The following TRPM1 variants were observed in gnomAD, a reference collection of about 807,000 sequenced individuals.
TRPM1 encodes the protein TRPM1-203 APA Isoform, Intron 10.
A neutral mutation model predicts 149.4 loss-of-function variants in TRPM1; 113 were observed. The observed-to-expected ratio is 0.76, with a 90% CI of 0.65 to 0.88. TRPM1 has a LOEUF of 0.88. Ranked by LOEUF, TRPM1 falls within the 40% of genes least tolerant of loss-of-function variation. The pLI is 0.00. For missense variants in TRPM1, 1,976 were observed against 2,038.7 expected, an observed-to-expected ratio of 0.97 and a Z score of 0.59; for synonymous variants, 741 against 759.5, an observed-to-expected ratio of 0.98 and a Z score of 0.40.
chr15:31,052,320 G>A (rs879274127), intron 11 of TRPM1, among the ~76,000 whole-genome samples: 22 of 152,250 alleles, frequency 1.4e-4, no homozygotes, highest in Admixed American at 1.2e-3. Flanking sequence ...AGATAAAACC[G>A]TTATGGTCCT....
intron 24 of TRPM1, among the ~76,000 whole-genome samples, 168 bp downstream of exon 24, chr15:31,029,203 G>A (rs1016766877): frequency 1.3e-5 from 2 of 152,190 alleles, no homozygotes; most frequent in African/African-American, 4.8e-5. Flanking sequence ...GATCCCAACA[G>A]TGAATTTGTG....
At chr15:31,089,352 C>A (rs138198996) in intron 1 of TRPM1, among the ~76,000 whole-genome samples, 1 of 152,146 alleles carries the variant, frequency 6.6e-6, no homozygotes, top group East Asian at 1.9e-4. Flanking sequence ...GTTCAAAATC[C>A]GGGAGGCTAT....
At chr15:31,060,142 C>CATACACACACAT (rs1309238927) in intron 11 of TRPM1, 1 of 352,146 alleles carries the variant, frequency 2.8e-6, no homozygotes, top group African/African-American at 2.1e-5. Flanking sequence ...TAGACACACA[C>CATACACACACAT]ACATAAACAC....
chr15:31,122,350 A>G (rs1036417986), intron 1 of TRPM1, among the ~76,000 whole-genome samples: 4 of 152,318 alleles, frequency 2.6e-5, no homozygotes, highest in Middle Eastern at 3.4e-3. Context: ...AGATAAGAAA[A>G]AGAAATAAAA....
chr15:31,140,762 C>A (rs1009023719), intron 1 of TRPM1, among the ~76,000 whole-genome samples: 6 of 152,148 alleles, frequency 3.9e-5, no homozygotes, highest in Non-Finnish European at 8.8e-5. Context: ...AATTACTCAG[C>A]CTCATATATT....
chr15:31,072,008 TATATATATATAGAGAGAG>T (rs1301508858), intron 3 of TRPM1, among the ~76,000 whole-genome samples: 496 of 34,704 alleles, frequency 0.014, 2 homozygotes, highest in Non-Finnish European at 0.024. Context: ...TATATATATA[TATATATATATAGAGAGAG>T]AGAGAGAGAG....
At chr15:31,046,622 G>A (rs1596014593) in intron 15 of TRPM1, among the ~76,000 whole-genome samples, 1 of 152,146 alleles carries the variant, frequency 6.6e-6, no homozygotes, top group Non-Finnish European at 1.5e-5. Context: ...GCAGGTACAC[G>A]TCTTTGATTT....
chr15:31,143,903 C>A (rs564558144), intron 1 of TRPM1, among the ~76,000 whole-genome samples: 3 of 152,076 alleles, frequency 2.0e-5, no homozygotes, highest in Non-Finnish European at 4.4e-5. Context: ...TGGTTATTTG[C>A]ATAACTTCAA....
chr15:31,099,360 G>A (rs1461929247), intron 1 of TRPM1, among the ~76,000 whole-genome samples: 1 of 152,088 alleles, frequency 6.6e-6, no homozygotes, highest in African/African-American at 2.4e-5. Context: ...CTGGCTGAGG[G>A]CTTCCATCTT....
At chr15:31,043,428 G>A (rs1009507910) in intron 16 of TRPM1, among the ~76,000 whole-genome samples, 10 of 151,848 alleles carry the variant, frequency 6.6e-5, no homozygotes, top group Non-Finnish European at 1.2e-4. Context: ...TCCTGACCTC[G>A]TGGTCCTCCC....
chr15:31,047,396 AGGCTGGG>A, intron 14 of TRPM1, 145 bp from the exon 15 acceptor site: 1 of 880,692 alleles, frequency 1.1e-6, no homozygotes, highest in Non-Finnish European at 1.8e-6. Context: ...AACAATATTC[AGGCTGGG>A]GAAAGCATCT....
intron 1 of TRPM1, among the ~76,000 whole-genome samples, chr15:31,124,283 T>TATAAATAAATAA (rs199961402): frequency 9.0e-4 from 137 of 151,552 alleles, no homozygotes; most frequent in African/African-American, 3.2e-3. Flanking sequence ...AGACTCCGTC[T>TATAAATAAATAA]ATAAATAAAT....
intron 1 of TRPM1, among the ~76,000 whole-genome samples, chr15:31,113,312 C>G (rs2035730377): frequency 6.6e-6 from 1 of 152,204 alleles, no homozygotes; most frequent in Non-Finnish European, 1.5e-5. Context: ...AAGAGTGCTG[C>G]CTCTGAGCCC....
At chr15:31,118,757 C>G (rs912716092) in intron 1 of TRPM1, among the ~76,000 whole-genome samples, 5 of 152,116 alleles carry the variant, frequency 3.3e-5, no homozygotes, top group Non-Finnish European at 7.3e-5. Context: ...TAGTGGAAAG[C>G]AAGCTAGCTG....
At chr15:31,064,296 C>A (rs1436216871) in intron 7 of TRPM1, among the ~76,000 whole-genome samples, 8 of 152,082 alleles carry the variant, frequency 5.3e-5, no homozygotes, top group Non-Finnish European at 1.2e-4. Flanking sequence ...CCACTTGGAC[C>A]ACTAGTGGCC....
intron 11 of TRPM1, chr15:31,060,202 T>C (rs1567024953): frequency 2.6e-6 from 1 of 389,408 alleles, no homozygotes; most frequent in Non-Finnish European, 4.8e-6. Context: ...GAACATAGTT[T>C]GAAAAATCAT....
chr15:31,110,139 AAGTT>A lies in TRPM1; in HGVS notation c.55-33159_55-33156del, dbSNP rs530998736. Among the ~76,000 whole-genome samples the A allele has an allele frequency of 8.5e-5, 13 of 152,364 alleles. No homozygotes were observed. The South Asian group carries it at 2.5e-3, about 29-fold the overall frequency. On this transcript the variant is annotated intron_variant, in intron 1 of 26. Coordinates refer to the TRPM1 transcript ENST00000542188. ...TGAATTCTTTACATATATTTAAAAT[AAGTT>A]AGCACTACTACTACTAGCTTAGTAC... is the stretch of plus-strand genomic sequence containing the variant.
At position 31,001,852 on chromosome 15, in the gene TRPM1, TTTC is replaced by T; in HGVS notation, c.4845_4847del (p.Lys1616del). On this transcript the variant is annotated inframe_deletion, in exon 28 of 28. Transcript: ENST00000256552. ...ATTCAGTTTCTGTGGAAGCTTTCTCTTTCTTAACCTTTTTTTCTTCTGCTGTCA... is the reference window on the plus strand; with the variant it reads ...ATTCAGTTTCTGTGGAAGCTTTCTCTTTAACCTTTTTTTCTTCTGCTGTCA... 1 of 1,613,142 alleles carries T rather than the reference TTTC, an allele frequency of 6.2e-7. No homozygotes were observed. Among genetic ancestry groups the T allele is most frequent in the Non-Finnish European group, 8.5e-7 (1 of 1,179,996 alleles).
chr15:31,150,282 G>T (rs2036282350), intron 1 of TRPM1, among the ~76,000 whole-genome samples: 1 of 151,202 alleles, frequency 6.6e-6, no homozygotes, highest in Non-Finnish European at 1.5e-5. Flanking sequence ...AGGACTCTGT[G>T]ATCCCTTTGG....
Sources: gnomAD v4.1 joint callset for allele counts (sites outside exome capture counted in the v4.1 genomes callset) on GRCh38, gnomAD v4.1.1 for gene constraint, MANE v1.5 for transcripts, NCBI Gene and HGNC (gene_info 2026-07-23, HGNC 2026-07-21) for gene names.